Variants in SMYD3 observed in about 807,000 individuals in gnomAD.
SMYD3 encodes histone-lysine N-methyltransferase SMYD3.
A neutral mutation model predicts 57.7 loss-of-function variants in SMYD3; 36 were observed. The observed-to-expected ratio is 0.62, with a 90% CI of 0.48 to 0.82. The LOEUF is 0.82. Ranked by LOEUF, SMYD3 falls within the 40% of genes least tolerant of loss-of-function variation. SMYD3 has a pLI of 0.00. For synonymous variants in SMYD3, 211 were observed against 195.0 expected (o/e 1.08, Z -0.68); for missense variants, 515 against 538.8 (o/e 0.96, Z 0.44).
At chr1:246,267,222 A>C (rs2064126952) in intron 5 of SMYD3, among the ~76,000 whole-genome samples, 1 of 152,246 alleles carries the variant, frequency 6.6e-6, no homozygotes, top group African/African-American at 2.4e-5. Context: ...TGGCCAAAGA[A>C]GACAGACCAC....
chr1:246,002,218 T>C (rs1384023503), intron 5 of SMYD3, among the ~76,000 whole-genome samples: 22 of 150,946 alleles, frequency 1.5e-4, no homozygotes, highest in Non-Finnish European at 2.7e-4. Context: ...GGAGTCTCGC[T>C]CCGTCACCCA....
At chr1:246,046,257 A>C (rs1220444280) in intron 5 of SMYD3, among the ~76,000 whole-genome samples, 2 of 152,218 alleles carry the variant, frequency 1.3e-5, no homozygotes, top group Non-Finnish European at 2.9e-5. Flanking sequence ...TAGATTAAGA[A>C]AATGTGGCAC....
At chr1:246,504,410 T>C (rs1408288802) in intron 1 of SMYD3, among the ~76,000 whole-genome samples, 1 of 152,236 alleles carries the variant, frequency 6.6e-6, no homozygotes, top group African/African-American at 2.4e-5. Flanking sequence ...CGCGTGTTAC[T>C]GTACTGAATA....
intron 5 of SMYD3, among the ~76,000 whole-genome samples, chr1:246,248,563 A>T (rs986244821): frequency 6.6e-6 from 1 of 150,900 alleles, no homozygotes; most frequent in African/African-American, 2.4e-5. Context: ...GTTATTAGTC[A>T]GGCTCCAAAG....
intron 5 of SMYD3, among the ~76,000 whole-genome samples, chr1:246,148,384 A>G (rs2061890586): frequency 6.6e-6 from 1 of 152,114 alleles, no homozygotes; most frequent in African/African-American, 2.4e-5. Flanking sequence ...TGAGAGCTCA[A>G]CACTCCACTA....
At chr1:245,940,609 A>G (rs1240404348) in intron 5 of SMYD3, among the ~76,000 whole-genome samples, 1 of 152,092 alleles carries the variant, frequency 6.6e-6, no homozygotes, top group Non-Finnish European at 1.5e-5. Context: ...AAGCACCACT[A>G]CCACCGACAT....
chr1:246,191,148 A>G (rs1353240030), intron 5 of SMYD3, among the ~76,000 whole-genome samples: 1 of 152,232 alleles, frequency 6.6e-6, no homozygotes, highest in African/African-American at 2.4e-5. Flanking sequence ...TTTGGTACCA[A>G]TTAAAGACCA....
chr1:245,988,108 A>AC (rs889017321), intron 5 of SMYD3, among the ~76,000 whole-genome samples: 9 of 4,208 alleles, frequency 2.1e-3, no homozygotes, highest in South Asian at 0.024. Context: ...ACCAAACCAA[A>AC]CACACACACA....
intron 1 of SMYD3, among the ~76,000 whole-genome samples, chr1:246,465,048 C>T (rs1342909869): frequency 1.3e-5 from 2 of 151,794 alleles, no homozygotes; most frequent in African/African-American, 2.4e-5. Context: ...CTTTACTTGA[C>T]AAGAAAAAAA....
intron 5 of SMYD3, among the ~76,000 whole-genome samples, chr1:246,271,826 A>C (rs947177212): frequency 1.3e-5 from 2 of 152,140 alleles, no homozygotes; most frequent in Non-Finnish European, 2.9e-5. Flanking sequence ...CCTTTTCTGC[A>C]AAAAAACATC....
chr1:246,146,032 G>A (rs2061837311), intron 5 of SMYD3, among the ~76,000 whole-genome samples: 1 of 152,168 alleles, frequency 6.6e-6, no homozygotes, highest in Non-Finnish European at 1.5e-5. Context: ...CAGTTATTGA[G>A]TATTCACAGG....
At chr1:245,969,089 A>C (rs2058230130) in intron 5 of SMYD3, among the ~76,000 whole-genome samples, 1 of 152,138 alleles carries the variant, frequency 6.6e-6, no homozygotes, top group Non-Finnish European at 1.5e-5. Context: ...ATGGGTCTCT[A>C]TTTTCTCAAA....
chr1:246,245,660 C>T (rs1018443598), intron 5 of SMYD3, among the ~76,000 whole-genome samples: 2 of 151,942 alleles, frequency 1.3e-5, no homozygotes, highest in East Asian at 1.9e-4. Context: ...TCAGATTTAA[C>T]GTGGAAAATA....
chr1:246,300,630 G>A (rs1419370769), intron 5 of SMYD3, among the ~76,000 whole-genome samples: 2 of 152,066 alleles, frequency 1.3e-5, no homozygotes, highest in African/African-American at 4.8e-5. Flanking sequence ...CCTAGGTTAA[G>A]GATCAGTTCT....
At chr1:245,937,531 G>A (rs1380853863) in intron 5 of SMYD3, among the ~76,000 whole-genome samples, 1 of 152,116 alleles carries the variant, frequency 6.6e-6, no homozygotes, top group Non-Finnish European at 1.5e-5. Flanking sequence ...TGTCAAATAC[G>A]TAGAGAAGGT....
chr1:245,932,210 G>T (rs1306997062), intron 5 of SMYD3, among the ~76,000 whole-genome samples: 1 of 152,080 alleles, frequency 6.6e-6, no homozygotes, highest in Admixed American at 6.5e-5. Context: ...AACCAGCATG[G>T]TTTTTTCCTG....
chr1:246,159,082 G>A (rs1444803289), intron 5 of SMYD3, among the ~76,000 whole-genome samples: 1 of 152,152 alleles, frequency 6.6e-6, no homozygotes, highest in Non-Finnish European at 1.5e-5. Context: ...CATCTTTGAG[G>A]CAGTCACATT....
intron 10 of SMYD3, among the ~76,000 whole-genome samples, chr1:245,822,620 T>C (rs952103687): frequency 6.6e-6 from 1 of 151,548 alleles, no homozygotes; most frequent in African/African-American, 2.4e-5. Context: ...AGCTCGGCTG[T>C]TTTACTGCTG....
At chr1:245,915,761 A>G (rs1424439876) in intron 7 of SMYD3, 121 bp from the exon 8 acceptor site, 1 of 593,478 alleles carries the variant, frequency 1.7e-6, no homozygotes, top group Non-Finnish European at 2.9e-6. Context: ...CCAAAAATAT[A>G]AGAGAGAAGG....
Sources: allele counts gnomAD v4.1 joint callset (sites outside exome capture counted in the v4.1 genomes callset), GRCh38; gene constraint gnomAD v4.1.1; transcripts MANE v1.5; gene names NCBI Gene and HGNC (gene_info 2026-07-23, HGNC 2026-07-21).